Variants in TMEM132B observed in about 807,000 individuals in gnomAD.
TMEM132B encodes the protein transmembrane protein 132B.
In TMEM132B, 18 loss-of-function variants were observed where a neutral mutation model predicts 90.8. The observed-to-expected ratio is 0.20, with a 90% CI of 0.14 to 0.29. The LOEUF (loss-of-function observed/expected upper bound fraction) is 0.29. Among genes scored for constraint, TMEM132B ranks in the 10% least tolerant of loss-of-function variants. TMEM132B has a pLI of 1.00. For synonymous variants in TMEM132B, 504 were observed against 523.3 expected (o/e 0.96, Z 0.50); for missense variants, 1,096 against 1,326.8 (o/e 0.83, Z 2.70).
chr12:125,332,737 T>C (rs1876823565), intron 1 of TMEM132B, among the ~76,000 whole-genome samples: 1 of 152,040 alleles, frequency 6.6e-6, no homozygotes, highest in Non-Finnish European at 1.5e-5. Flanking sequence ...CGCTAAAAAC[T>C]CGTCTTACAG....
intron 2 of TMEM132B, among the ~76,000 whole-genome samples, chr12:125,375,719 A>G (rs546051386): frequency 6.6e-6 from 1 of 152,390 alleles, no homozygotes; most frequent in South Asian, 2.1e-4. Flanking sequence ...CCATAGTAAC[A>G]TGATGAGGGT....
intron 2 of TMEM132B, among the ~76,000 whole-genome samples, chr12:125,354,485 A>G (rs534536404): frequency 9.5e-4 from 145 of 152,280 alleles, no homozygotes; most frequent in Non-Finnish European, 1.5e-3. Flanking sequence ...CTTCTGTCTC[A>G]CACCTGGCCC....
intron 2 of TMEM132B, among the ~76,000 whole-genome samples, chr12:125,405,839 G>T (rs71460706): frequency 6.6e-6 from 1 of 152,220 alleles, no homozygotes; most frequent in Non-Finnish European, 1.5e-5. Context: ...GTCTGGCTCA[G>T]GGGAGTGGCC....
At chr12:125,582,369 G>C (rs1885073004) in intron 4 of TMEM132B, among the ~76,000 whole-genome samples, 1 of 151,914 alleles carries the variant, frequency 6.6e-6, no homozygotes, top group East Asian at 1.9e-4. Flanking sequence ...GGAATAGAGA[G>C]TGCGGGGCCG....
chr12:125,447,907 CT>C (rs946630818), intron 3 of TMEM132B, among the ~76,000 whole-genome samples: 5 of 152,060 alleles, frequency 3.3e-5, no homozygotes, highest in African/African-American at 1.2e-4. Context: ...CTTTCTGTGG[CT>C]GCCTTTTTAA....
At position 125,660,658 on chromosome 12, in the gene TMEM132B, A is replaced by T. The variant is rs113264468; in HGVS notation, c.*5948A>T. The T allele has an allele frequency of 7.2e-4, 110 of 152,352 alleles. No homozygotes were observed. Among genetic ancestry groups the T allele is most frequent in the African/African-American group, 2.5e-3 (106 of 41,586 alleles). 9.4% of individuals were successfully genotyped at this position (152,352 alleles called of 1,614,324 possible). ...CATCATTTTCCAGATAAGAAATAAC[A>T]GTTCAAGTTCATTAGGGAAATTATC... On this transcript the variant is annotated 3_prime_UTR_variant, in exon 9 of 9. Transcript: ENST00000682704.
At chr12:125,358,087 TG>T (rs1377673491) in intron 2 of TMEM132B, among the ~76,000 whole-genome samples, 1 of 152,120 alleles carries the variant, frequency 6.6e-6, no homozygotes, top group Non-Finnish European at 1.5e-5. Flanking sequence ...CTAATTTCCT[TG>T]TTTTTTTTTG....
At chr12:125,387,324 A>G (rs1006873702) in intron 2 of TMEM132B, among the ~76,000 whole-genome samples, 7 of 152,138 alleles carry the variant, frequency 4.6e-5, no homozygotes, top group Admixed American at 6.5e-5. Context: ...GAACACAGTA[A>G]CTCAAATGGG....
At chr12:125,471,006 T>C (rs977157415) in intron 3 of TMEM132B, among the ~76,000 whole-genome samples, 4 of 152,212 alleles carry the variant, frequency 2.6e-5, no homozygotes, top group African/African-American at 9.6e-5. Flanking sequence ...CCTCAACAAC[T>C]TCCCTTGCAG....
intron 1 of TMEM132B, among the ~76,000 whole-genome samples, chr12:125,220,822 C>T (rs568171509): frequency 9.8e-5 from 15 of 152,368 alleles, no homozygotes; most frequent in Middle Eastern, 3.4e-3. Flanking sequence ...AACCCTTCCA[C>T]GGCTCCCAGC....
At chr12:125,291,923 A>C (rs1272091708) in intron 1 of TMEM132B, among the ~76,000 whole-genome samples, 2 of 152,212 alleles carry the variant, frequency 1.3e-5, no homozygotes, top group African/African-American at 4.8e-5. Context: ...TCTGTATTAA[A>C]ATTCACATTG....
intron 1 of TMEM132B, among the ~76,000 whole-genome samples, chr12:125,257,131 G>A (rs1874454933): frequency 6.6e-6 from 1 of 152,084 alleles, no homozygotes; most frequent in African/African-American, 2.4e-5. Context: ...GGGAAACATA[G>A]CAAGACTCCA....
intron 2 of TMEM132B, among the ~76,000 whole-genome samples, chr12:125,387,073 A>G (rs1448127222): frequency 2.2e-5 from 3 of 138,110 alleles, no homozygotes; most frequent in Non-Finnish European, 4.6e-5. Flanking sequence ...CCCCGGCAGC[A>G]TTATCCATGA....
At chr12:125,543,508 T>A (rs10773173) in intron 4 of TMEM132B, among the ~76,000 whole-genome samples, 93,995 of 152,102 alleles carry the variant, frequency 0.62, 29,979 homozygotes, top group East Asian at 0.79. Flanking sequence ...AGATTTGAGC[T>A]TCCTTCAAGT....
At chr12:125,376,295 A>G (rs1799330964) in intron 2 of TMEM132B, among the ~76,000 whole-genome samples, 1 of 152,034 alleles carries the variant, frequency 6.6e-6, no homozygotes, top group Non-Finnish European at 1.5e-5. Context: ...TTTCCACTTC[A>G]AGTGCTGATA....
chr12:125,244,354 G>C (rs186260881), intron 1 of TMEM132B, among the ~76,000 whole-genome samples: 221 of 152,320 alleles, frequency 1.5e-3, no homozygotes, highest in African/African-American at 5.1e-3. Flanking sequence ...TCTGGAGTGA[G>C]AGCAGAGGTG....
At chr12:125,366,114 A>C (rs761302297) in intron 2 of TMEM132B, among the ~76,000 whole-genome samples, 2 of 151,924 alleles carry the variant, frequency 1.3e-5, no homozygotes, top group Non-Finnish European at 2.9e-5. Flanking sequence ...TAGTGAGAAC[A>C]TGTGATATTT....
intron 4 of TMEM132B, among the ~76,000 whole-genome samples, chr12:125,530,891 A>G (rs1360961927): frequency 6.6e-6 from 1 of 152,238 alleles, no homozygotes; most frequent in Admixed American, 6.5e-5. Context: ...GTCAGTGAAC[A>G]TGAATTTTAG....
chr12:125,461,285 C>A (rs565307335), intron 3 of TMEM132B, among the ~76,000 whole-genome samples: 1 of 152,280 alleles, frequency 6.6e-6, no homozygotes, highest in South Asian at 2.1e-4. Flanking sequence ...AGGGTCAGAC[C>A]CACACATGCT....
Sources: gnomAD v4.1 joint callset for allele counts (sites outside exome capture counted in the v4.1 genomes callset) on GRCh38, gnomAD v4.1.1 for gene constraint, MANE v1.5 for transcripts, NCBI Gene and HGNC (gene_info 2026-07-23, HGNC 2026-07-21) for gene names.